The following KIFAP3 variants were observed in gnomAD, a reference collection of about 807,000 sequenced individuals.
KIFAP3 encodes the protein kinesin associated protein 3.
A neutral mutation model predicts 106.5 loss-of-function variants in KIFAP3; 68 were observed. The observed-to-expected ratio is 0.64, with a 90% CI of 0.53 to 0.78. The LOEUF (loss-of-function observed/expected upper bound fraction) is 0.78, where lower values mean the gene tolerates loss of function less well. Ranked by LOEUF, KIFAP3 falls within the 30% of genes least tolerant of loss-of-function variation. The probability of loss-of-function intolerance (pLI) is 0.00; values close to 1 mark genes in which losing one functional copy is unlikely to be tolerated. For synonymous variants in KIFAP3, 320 were observed against 311.5 expected (o/e 1.03, Z -0.29); for missense variants, 780 against 941.8 (o/e 0.83, Z 2.25).
intron 1 of KIFAP3, among the ~76,000 whole-genome samples, chr1:170,061,331 C>T (rs181594634): frequency 2.8e-4 from 42 of 152,258 alleles, no homozygotes; most frequent in African/African-American, 9.4e-4. Context: ...AATCAAACAA[C>T]CCCATCAAAA....
chr1:170,080,397 T>C (rs2102193822), intron 1 of KIFAP3, among the ~76,000 whole-genome samples: 1 of 152,220 alleles, frequency 6.6e-6, no homozygotes, highest in South Asian at 2.1e-4. Context: ...AATTTTTTTT[T>C]ACAAATTGAC....
At chr1:170,024,713 T>G in intron 8 of KIFAP3, 117 bp from the exon 9 acceptor site, 1 of 561,978 alleles carries the variant, frequency 1.8e-6, no homozygotes, top group Non-Finnish European at 2.9e-6. Flanking sequence ...TATATTATTT[T>G]GAAAATTTTA....
chr1:169,943,162 A>G (rs1249951175), intron 19 of KIFAP3, among the ~76,000 whole-genome samples: 3 of 152,176 alleles, frequency 2.0e-5, no homozygotes. Flanking sequence ...TATGGCTCAT[A>G]TCTGAGGAGT....
At chr1:170,055,786 C>T (rs1011670177) in intron 1 of KIFAP3, among the ~76,000 whole-genome samples, 3 of 152,066 alleles carry the variant, frequency 2.0e-5, no homozygotes, top group African/African-American at 7.2e-5. Flanking sequence ...ATGACCTCAA[C>T]TAAAAGTCAG....
intron 17 of KIFAP3, among the ~76,000 whole-genome samples, chr1:169,971,456 C>T (rs542016070): frequency 6.6e-6 from 1 of 152,122 alleles, no homozygotes; most frequent in Non-Finnish European, 1.5e-5. Context: ...TTAATATGTA[C>T]AGTTTCTCTA....
intron 8 of KIFAP3, among the ~76,000 whole-genome samples, chr1:170,029,252 A>G (rs78835968): frequency 0.063 from 9,577 of 152,186 alleles, 381 homozygotes; most frequent in Non-Finnish European, 0.095. Context: ...CTGAAAACTG[A>G]TAGATGTGCA....
chr1:170,034,483 G>T lies in KIFAP3; in HGVS notation c.631C>A (p.His211Asn). The T allele has an allele frequency of 1.4e-6, 2 of 1,448,472 alleles. No homozygotes were observed. The highest frequency in any genetic ancestry group is 2.6e-5 in the South Asian group (2 of 77,808). The allele number at this position is 1,448,472 out of a possible 1,614,324, so 89.7% of individuals were successfully genotyped here. A position where few individuals can be genotyped will look rare whatever the true frequency, so the allele number is the denominator to read the frequency against. Residue 211 changes from histidine (H) to asparagine (N), a missense_variant, in exon 7 of 20, where the codon CAT becomes AAT. By Grantham distance (68) the His-to-Asn change is moderately conservative. Coordinates refer to ENST00000361580, the MANE Select transcript of KIFAP3 (RefSeq NM_014970.4). ...ATTTTATAGTGAGTAATAAGTCCAT[G>T]AAATTGAGAAAAGCTTTAAAGAAGA... ...FFCFSSFSQFHGLITHYKIGA... is the reference protein window; with the variant it reads ...FFCFSSFSQFNGLITHYKIGA...
chr1:170,031,957 A>G lies in KIFAP3; in HGVS notation c.770T>C (p.Leu257Ser). 1 of 1,610,212 alleles carries G rather than the reference A, an allele frequency of 6.2e-7. No individual in the cohort carries two copies. The highest frequency in any genetic ancestry group is 8.5e-7 in the Non-Finnish European group (1 of 1,177,344). Reference sequence around the variant, plus strand: ...AAAGGTTTTTTCATAATCCTTTCTCAAGGTTTGGTTTTCAGGGTCTTCATC... The same window carrying G: ...AAAGGTTTTTTCATAATCCTTTCTCGAGGTTTGGTTTTCAGGGTCTTCATC... ...AVDEDPENQT[L>S]RKDYEKTFKK... The change falls in exon 8 of 20, where the codon TTG becomes TCG. Residue 257 changes from leucine to serine, a missense_variant. Transcript: ENST00000361580.
intron 10 of KIFAP3, among the ~76,000 whole-genome samples, chr1:169,995,109 T>C (rs898960945): frequency 2.0e-5 from 3 of 152,062 alleles, no homozygotes; most frequent in African/African-American, 7.2e-5. Context: ...ATATGTAAGA[T>C]TTATCAATTT....
At chr1:169,945,722 A>ATT (rs1453510754) in intron 19 of KIFAP3, among the ~76,000 whole-genome samples, 2 of 152,224 alleles carry the variant, frequency 1.3e-5, no homozygotes, top group Non-Finnish European at 2.9e-5. Flanking sequence ...AAGAAAGCGA[A>ATT]TCACTTGAAA....
intron 19 of KIFAP3, among the ~76,000 whole-genome samples, chr1:169,938,905 G>A (rs1015102342): frequency 6.6e-6 from 1 of 152,146 alleles, no homozygotes; most frequent in Non-Finnish European, 1.5e-5. Context: ...TGAATGTCTG[G>A]GGAAGAGAAG....
intron 10 of KIFAP3, among the ~76,000 whole-genome samples, chr1:170,013,976 T>C (rs1668380224): frequency 6.6e-6 from 1 of 152,210 alleles, no homozygotes; most frequent in African/African-American, 2.4e-5. Context: ...ATGACATCTT[T>C]TTCTATCATC....
chr1:170,065,710 C>T (rs1671411197), intron 1 of KIFAP3, among the ~76,000 whole-genome samples: 1 of 150,846 alleles, frequency 6.6e-6, no homozygotes, highest in Non-Finnish European at 1.5e-5. Flanking sequence ...TAGTCACTAG[C>T]TACATGGGTC....
chr1:169,958,961 T>C (rs530746449), intron 18 of KIFAP3, among the ~76,000 whole-genome samples: 56 of 152,280 alleles, frequency 3.7e-4, no homozygotes, highest in African/African-American at 1.3e-3. Flanking sequence ...TACATTTGAC[T>C]ATTAAATCGT....
intron 1 of KIFAP3, among the ~76,000 whole-genome samples, chr1:170,059,508 A>T (rs1459872537): frequency 6.6e-6 from 1 of 152,220 alleles, no homozygotes; most frequent in African/African-American, 2.4e-5. Context: ...AGGCTCTGAA[A>T]TTGAGGCAAT....
chr1:170,026,824 C>T (rs949979182), intron 8 of KIFAP3, among the ~76,000 whole-genome samples: 3 of 152,140 alleles, frequency 2.0e-5, no homozygotes, highest in African/African-American at 7.2e-5. Context: ...AAGGGTCTTA[C>T]CTCCGTAGTG....
chr1:169,935,921 A>G (rs1460542295), intron 19 of KIFAP3, among the ~76,000 whole-genome samples: 1 of 152,010 alleles, frequency 6.6e-6, no homozygotes, highest in African/African-American at 2.4e-5. Flanking sequence ...GGAGGAACTG[A>G]GCAGTTAGAT....
rs779014957 is a variant in KIFAP3, at chr1:170,041,542, C to T, written c.320-2254G>A. The stretch of plus-strand genomic sequence containing the variant: ...AGTGGTGAACTCATAAAGGGATACC[C>T]CTCGTAGGCATCTGCCTGTGGCTCG... On this transcript the variant is annotated intron_variant, in intron 3 of 19. Transcript: ENST00000361580. 6.2e-4 allele frequency: 374 copies of T among 605,632 alleles called. 1 individual carries two copies. The highest frequency in any genetic ancestry group is 4.9e-4 in the Non-Finnish European group (170 of 343,882). The allele number at this position is 605,632 out of a possible 1,614,324, so 37.5% of individuals were successfully genotyped here.
At chr1:170,077,499 A>G (rs1671943999), upstream of KIFAP3, among the ~76,000 whole-genome samples, 1 of 152,244 alleles carries the variant, frequency 6.6e-6, no homozygotes, top group African/African-American at 2.4e-5. Flanking sequence ...ATGGATGAAT[A>G]TTAGAAACAT....
Sources: allele counts gnomAD v4.1 joint callset (sites outside exome capture counted in the v4.1 genomes callset), GRCh38; gene constraint gnomAD v4.1.1; transcripts MANE v1.5; gene names NCBI Gene and HGNC (gene_info 2026-07-23, HGNC 2026-07-21).